CDK6: variants seen among roughly 807,000 people sequenced by gnomAD.
CDK6 encodes the protein cyclin-dependent kinase 6.
A neutral mutation model predicts 37.1 loss-of-function variants in CDK6; 6 were observed. The ratio of observed to expected loss-of-function variants is 0.16; its 90% CI spans 0.09 to 0.32. CDK6 has a LOEUF of 0.32. Ranked by LOEUF, CDK6 falls within the 10% of genes least tolerant of loss-of-function variation. The pLI is 1.00. For synonymous variants in CDK6, 160 were observed against 161.3 expected, an observed-to-expected ratio of 0.99 and a Z score of 0.06; for missense variants, 224 against 418.9, an observed-to-expected ratio of 0.53 and a Z score of 4.06.
intron 3 of CDK6, among the ~76,000 whole-genome samples, chr7:92,773,795 T>C (rs1240766300): frequency 6.6e-6 from 1 of 152,208 alleles, no homozygotes; most frequent in Non-Finnish European, 1.5e-5. Context: ...TAGCTATCAC[T>C]AAAGACATTT....
chr7:92,764,679 C>T (rs1037875598), intron 3 of CDK6, among the ~76,000 whole-genome samples: 1 of 152,182 alleles, frequency 6.6e-6, no homozygotes, highest in Non-Finnish European at 1.5e-5. Flanking sequence ...ACTGAAGACA[C>T]CAGATTCTCA....
intron 3 of CDK6, among the ~76,000 whole-genome samples, chr7:92,774,147 C>T (rs1458669025): frequency 6.6e-6 from 1 of 152,008 alleles, no homozygotes; most frequent in African/African-American, 2.4e-5. Context: ...TCTTTGAATC[C>T]CAGGAGTTTG....
chr7:92,693,710 T>C (rs985862675), intron 4 of CDK6, among the ~76,000 whole-genome samples: 1 of 152,240 alleles, frequency 6.6e-6, no homozygotes, highest in Non-Finnish European at 1.5e-5. Context: ...TAAAAGCAGT[T>C]AGTGCTATGA....
intron 3 of CDK6, among the ~76,000 whole-genome samples, chr7:92,732,908 A>C (rs553131943): frequency 6.6e-6 from 1 of 152,336 alleles, no homozygotes; most frequent in South Asian, 2.1e-4. Context: ...TAAACAGGGA[A>C]AGAGTCTGGG....
At chr7:92,744,374 G>A (rs1249547145) in intron 3 of CDK6, among the ~76,000 whole-genome samples, 3 of 152,148 alleles carry the variant, frequency 2.0e-5, no homozygotes, top group Non-Finnish European at 4.4e-5. Context: ...CAGATCTCGT[G>A]AGACTTACTC....
intron 4 of CDK6, among the ~76,000 whole-genome samples, chr7:92,712,046 C>G (rs1301689786): frequency 6.6e-6 from 1 of 151,410 alleles, no homozygotes; most frequent in Non-Finnish European, 1.5e-5. Context: ...AAATTAGCCT[C>G]CTACTCAGGA....
intron 5 of CDK6, among the ~76,000 whole-genome samples, chr7:92,661,414 T>A (rs530744460): frequency 1.3e-5 from 2 of 152,316 alleles, no homozygotes; most frequent in East Asian, 3.9e-4. Flanking sequence ...AGTCCATGTA[T>A]AACTTTTGAC....
chr7:92,740,900 A>G (rs987857878), intron 3 of CDK6, among the ~76,000 whole-genome samples: 3 of 152,132 alleles, frequency 2.0e-5, no homozygotes, highest in African/African-American at 7.2e-5. Context: ...CAACTCCTCA[A>G]GTCTCCAGCC....
At chr7:92,731,606 G>C (rs1798651725) in intron 3 of CDK6, among the ~76,000 whole-genome samples, 1 of 152,144 alleles carries the variant, frequency 6.6e-6, no homozygotes, top group African/African-American at 2.4e-5. Flanking sequence ...TAGGCAACTG[G>C]ATAAAAGTGT....
At chr7:92,766,116 C>A (rs1799573785) in intron 3 of CDK6, among the ~76,000 whole-genome samples, 3 of 152,066 alleles carry the variant, frequency 2.0e-5, no homozygotes, top group African/African-American at 7.2e-5. Context: ...TCATGAGAAA[C>A]CACTGGAGCT....
intron 5 of CDK6, among the ~76,000 whole-genome samples, chr7:92,624,658 G>A (rs10269774): frequency 0.35 from 53,893 of 152,046 alleles, 9,901 homozygotes; most frequent in Middle Eastern, 0.43. Flanking sequence ...GTTGCGCTCT[G>A]AAAGACATCT....
intron 2 of CDK6, among the ~76,000 whole-genome samples, chr7:92,831,628 T>C (rs1278596173): frequency 6.6e-6 from 1 of 152,246 alleles, no homozygotes; most frequent in Non-Finnish European, 1.5e-5. Context: ...TATAGGTTTT[T>C]ATATATAATC....
intron 5 of CDK6, among the ~76,000 whole-genome samples, chr7:92,651,381 T>C (rs11765954): frequency 0.22 from 33,686 of 152,150 alleles, 4,203 homozygotes; most frequent in Middle Eastern, 0.38. Context: ...CAGGTGAACA[T>C]TTCTGTGCCA....
intron 5 of CDK6, among the ~76,000 whole-genome samples, chr7:92,637,364 G>A (rs1216615824): frequency 6.6e-6 from 1 of 152,062 alleles, no homozygotes; most frequent in Admixed American, 6.6e-5. Flanking sequence ...GTAACTGAGG[G>A]ACACATTTTC....
At chr7:92,688,736 T>C (rs997842987) in intron 4 of CDK6, among the ~76,000 whole-genome samples, 4 of 152,158 alleles carry the variant, frequency 2.6e-5, no homozygotes, top group Non-Finnish European at 5.9e-5. Flanking sequence ...TGTTGGATAG[T>C]AGTTTTTACT....
chr7:92,666,285 G>T (rs1269217329), intron 5 of CDK6, among the ~76,000 whole-genome samples: 1 of 152,056 alleles, frequency 6.6e-6, no homozygotes, highest in Non-Finnish European at 1.5e-5. Flanking sequence ...CCCACCTCTG[G>T]TTAATTAACT....
In CDK6 at chr7:92,689,261, C is replaced by CA. The variant is rs550391260; in HGVS notation, c.538-17727dup. Among the ~76,000 whole-genome samples, 230 of 152,240 alleles carry CA rather than the reference C, an allele frequency of 1.5e-3. 1 individual carries two copies. The highest frequency in any genetic ancestry group is 4.3e-3 in the Admixed American group (66 of 15,284). ...TTCCTTCTTCGCACCCTCCACCCTC[C>CA]AATAGGCCCCAGTGTATGTTGTTCC... is the stretch of plus-strand genomic sequence containing the variant. On this transcript the variant is annotated intron_variant, in intron 4 of 7. Coordinates refer to ENST00000424848, the MANE Select transcript of CDK6 (RefSeq NM_001145306.2).
intron 2 of CDK6, among the ~76,000 whole-genome samples, chr7:92,792,400 C>A (rs1236337261): frequency 6.6e-6 from 1 of 152,238 alleles, no homozygotes; most frequent in East Asian, 1.9e-4. Flanking sequence ...ATTTATTAGA[C>A]CATTTCCCTG....
chr7:92,748,848 T>C (rs1279469098), intron 3 of CDK6, among the ~76,000 whole-genome samples: 1 of 152,110 alleles, frequency 6.6e-6, no homozygotes, highest in Non-Finnish European at 1.5e-5. Context: ...ACCTATAGAA[T>C]TAATGAATGT....
Sources: allele counts gnomAD v4.1 joint callset (sites outside exome capture counted in the v4.1 genomes callset), GRCh38; gene constraint gnomAD v4.1.1; transcripts MANE v1.5; gene names NCBI Gene and HGNC (gene_info 2026-07-23, HGNC 2026-07-21).